ACOT11: variants seen among roughly 807,000 people sequenced by gnomAD.
The protein encoded by ACOT11 is acyl-coenzyme A thioesterase 11.
A neutral mutation model predicts 77.5 loss-of-function variants in ACOT11; 69 were observed. The observed-to-expected ratio is 0.89, with a 90% CI of 0.73 to 1.09. The LOEUF (loss-of-function observed/expected upper bound fraction) is 1.09. Among genes scored for constraint, ACOT11 ranks in the 50% least tolerant of loss-of-function variants. The pLI is 0.00. For synonymous variants in ACOT11, 279 were observed against 313.0 expected, an observed-to-expected ratio of 0.89 and a Z score of 1.15; for missense variants, 766 against 813.7, an observed-to-expected ratio of 0.94 and a Z score of 0.71.
In ACOT11 at chr1:54,563,847, C is replaced by T. The variant is rs548708575; in HGVS notation, c.33+15505C>T. On this transcript the variant is annotated intron_variant, in intron 1 of 15. Coordinates refer to ENST00000343744, the MANE Select transcript of ACOT11 (RefSeq NM_147161.4). Reference sequence around the variant, plus strand: ...GGCTGAGGGAGCGGGGGGCGGATCACTTAAGATCATTAGTTCAAGACCAGC... The same window carrying T: ...GGCTGAGGGAGCGGGGGGCGGATCATTTAAGATCATTAGTTCAAGACCAGC... Among the ~76,000 whole-genome samples the T allele has an allele frequency of 1.6e-3, 239 of 152,242 alleles. 1 individual carries two copies. The highest frequency in any genetic ancestry group is 2.7e-3 in the Non-Finnish European group (184 of 68,022).
intron 6 of ACOT11, among the ~76,000 whole-genome samples, chr1:54,595,472 GATAAA>G (rs1009033864): frequency 8.5e-5 from 13 of 152,190 alleles, no homozygotes; most frequent in South Asian, 2.1e-4. Context: ...CCCCTCAAAA[GATAAA>G]ATAAAAAGCA....
chr1:54,563,838 G>A (rs1320226174), intron 1 of ACOT11, among the ~76,000 whole-genome samples: 1 of 152,048 alleles, frequency 6.6e-6, no homozygotes, highest in African/African-American at 2.4e-5. Flanking sequence ...GGGAGCGGGG[G>A]GCGGATCACT....
chr1:54,623,948 T>A (rs1644255994), intron 15 of ACOT11, among the ~76,000 whole-genome samples: 2 of 152,242 alleles, frequency 1.3e-5, no homozygotes, highest in Admixed American at 1.3e-4. Flanking sequence ...TAGATCTGCG[T>A]AAGGGGCAAT....
intron 13 of ACOT11, among the ~76,000 whole-genome samples, chr1:54,606,899 T>C (rs1479331088): frequency 6.6e-6 from 1 of 152,274 alleles, no homozygotes; most frequent in Non-Finnish European, 1.5e-5. Flanking sequence ...TCTGTGTGTA[T>C]GTGTTCATTT....
At chr1:54,610,625 C>T (rs1569779864), downstream of ACOT11, 6 of 1,567,050 alleles carry the variant, frequency 3.8e-6, no homozygotes, top group East Asian at 1.3e-4. Context: ...TTGCTAGGGT[C>T]CCATAGGCCA....
intron 15 of ACOT11, chr1:54,621,390 G>A (rs1644228574): frequency 6.6e-6 from 1 of 152,194 alleles, no homozygotes; most frequent in Admixed American, 6.5e-5. Flanking sequence ...CTGGGAGGCG[G>A]AGGTTGCACT....
downstream of ACOT11, among the ~76,000 whole-genome samples, chr1:54,611,898 C>G (rs1020519459): frequency 2.6e-5 from 4 of 152,116 alleles, no homozygotes; most frequent in South Asian, 8.3e-4. Flanking sequence ...CCTACCCCTT[C>G]CCAAGGGCAG....
At chr1:54,611,805 T>C, downstream of ACOT11, 1 of 1,601,760 alleles carries the variant, frequency 6.2e-7, no homozygotes, top group Non-Finnish European at 8.5e-7. Context: ...TCAGCCCCAC[T>C]CCTGTGCTCA....
chr1:54,607,389 C>A lies in ACOT11; in HGVS notation c.1502+124C>A. ...GCTCTGCTTCCCATTGGCTGTGGGG[C>A]CCCAGGCACCACTAGACTTTTCTGG... On this transcript the variant is annotated intron_variant, in intron 14 of 15. Transcript: ENST00000343744. This position sits in a 1 kb window ranked among gnomAD's most constrained non-coding sequence, Gnocchi z 4.5. 2 of 1,428,404 alleles carry A rather than the reference C, an allele frequency of 1.4e-6. No homozygotes were observed. The highest frequency in any genetic ancestry group is 1.9e-6 in the Non-Finnish European group (2 of 1,048,924). 88.5% of individuals were successfully genotyped at this position (1,428,404 alleles called of 1,614,324 possible).
At chr1:54,552,327 G>C (rs1344003169) in intron 1 of ACOT11, among the ~76,000 whole-genome samples, 1 of 152,182 alleles carries the variant, frequency 6.6e-6, no homozygotes, top group African/African-American at 2.4e-5. Context: ...CAAAACTGCT[G>C]AATGAATGAG....
chr1:54,599,175 A>ATATATAT (rs1643928810), intron 7 of ACOT11, 121 bp from the exon 8 acceptor site: 1 of 42,636 alleles, frequency 2.3e-5, no homozygotes, highest in Non-Finnish European at 4.1e-5. Flanking sequence ...AAAAAAAAAA[A>ATATATAT]AAAAAAATAT....
chr1:54,553,111 A>C (rs1050393399), intron 1 of ACOT11, among the ~76,000 whole-genome samples: 2 of 149,214 alleles, frequency 1.3e-5, no homozygotes, highest in Non-Finnish European at 3.0e-5. Context: ...ACAGGCGTGA[A>C]CCACCATGCC....
At chr1:54,587,118 A>C (rs1654529072) in intron 3 of ACOT11, among the ~76,000 whole-genome samples, 1 of 152,226 alleles carries the variant, frequency 6.6e-6, no homozygotes, top group Non-Finnish European at 1.5e-5. Flanking sequence ...GAGACTGGGC[A>C]TGCAAAGTCC....
At chr1:54,596,894 A>G (rs1302294739) in intron 6 of ACOT11, among the ~76,000 whole-genome samples, 1 of 152,174 alleles carries the variant, frequency 6.6e-6, no homozygotes, top group Non-Finnish European at 1.5e-5. Context: ...GCACTTTGTG[A>G]CAATAATCAC....
At position 54,607,910 on chromosome 1, in the gene ACOT11, C is replaced by T. The variant is rs781628773; in HGVS notation, c.1503-32C>T. 1.2e-6 allele frequency: 2 copies of T among 1,612,970 alleles called. No individual in the cohort carries two copies. Among genetic ancestry groups the T allele is most frequent in the South Asian group, 1.1e-5 (1 of 91,032 alleles). On this transcript the variant is annotated intron_variant, in intron 14 of 15. Coordinates refer to ENST00000343744, the MANE Select transcript of ACOT11 (RefSeq NM_147161.4). This position sits in a 1 kb window ranked among gnomAD's most constrained non-coding sequence, Gnocchi z 4.5. ...GCCCCCACTTTCTTCTGTGGCTGAC[C>T]CCTGTCCCCTTGCTACCCTTCCTTC...
At chr1:54,604,284 C>T in intron 11 of ACOT11, 62 bp from the exon 12 acceptor site, 1 of 1,531,790 alleles carries the variant, frequency 6.5e-7, no homozygotes, top group Non-Finnish European at 9.0e-7. Flanking sequence ...CACCCTTGGC[C>T]TTGGCTCAGG....
At chr1:54,626,239 C>G (rs1644271838) in intron 15 of ACOT11, among the ~76,000 whole-genome samples, 1 of 151,726 alleles carries the variant, frequency 6.6e-6, no homozygotes, top group Non-Finnish European at 1.5e-5. Flanking sequence ...CATTGACCAC[C>G]AGCCTGAGCG....
At position 54,605,223 on chromosome 1, in the gene ACOT11, G is replaced by A; in HGVS notation, c.1370+14G>A. 1.9e-6 allele frequency: 3 copies of A among 1,611,204 alleles called. No individual in the cohort carries two copies. The highest frequency in any genetic ancestry group is 2.5e-6 in the Non-Finnish European group (3 of 1,179,862). On this transcript the variant is annotated intron_variant, in intron 13 of 15. Transcript: ENST00000343744. Reference sequence around the variant, plus strand: ...CAAGCACTACCGGTGAGGGGCCAGGGTGAGGGCAGGGCAGTGTCCCTTCTC... The same window carrying A: ...CAAGCACTACCGGTGAGGGGCCAGGATGAGGGCAGGGCAGTGTCCCTTCTC...
At chr1:54,631,636 G>T (rs1228838058) in intron 16 of ACOT11, among the ~76,000 whole-genome samples, 1 of 152,198 alleles carries the variant, frequency 6.6e-6, no homozygotes, top group African/African-American at 2.4e-5. Flanking sequence ...GGTCATGCAG[G>T]ATGATGCCAT....
Sources: allele counts gnomAD v4.1 joint callset (sites outside exome capture counted in the v4.1 genomes callset), GRCh38; gene constraint gnomAD v4.1.1; non-coding constraint Gnocchi (gnomAD v3.1); transcripts MANE v1.5; gene names NCBI Gene and HGNC (gene_info 2026-07-23, HGNC 2026-07-21).